The following RUFY1 variants were observed in gnomAD, a reference collection of about 807,000 sequenced individuals.
The protein encoded by RUFY1 is RUN and FYVE domain-containing protein 1.
In RUFY1, 54 loss-of-function variants were observed where a neutral mutation model predicts 94.6. The observed-to-expected ratio is 0.57, with a 90% CI of 0.46 to 0.72. The LOEUF (loss-of-function observed/expected upper bound fraction) is 0.72, where lower values mean the gene tolerates loss of function less well. Ranked by LOEUF, RUFY1 falls within the 30% of genes least tolerant of loss-of-function variation. The probability of loss-of-function intolerance (pLI) is 0.00; values close to 1 mark genes in which losing one functional copy is unlikely to be tolerated. For missense variants in RUFY1, 883 were observed against 883.9 expected, an observed-to-expected ratio of 1.00 and a Z score of 0.01; for synonymous variants, 396 against 347.3, an observed-to-expected ratio of 1.14 and a Z score of -1.56.
At chr5:179,598,517 G>C (rs1765925744) in intron 13 of RUFY1, among the ~76,000 whole-genome samples, 175 bp from the exon 14 acceptor site, 1 of 152,182 alleles carries the variant, frequency 6.6e-6, no homozygotes, top group South Asian at 2.1e-4. Context: ...CCTGGTTCCT[G>C]CTCTTTCTTG....
chr5:179,576,298 C>T (rs909365633), intron 5 of RUFY1, among the ~76,000 whole-genome samples: 4 of 152,134 alleles, frequency 2.6e-5, no homozygotes, highest in Non-Finnish European at 5.9e-5. Context: ...TGTAAGGGGT[C>T]TTGGTTCTCC....
chr5:179,562,913 C>A (rs941284676), intron 3 of RUFY1: 51 of 377,020 alleles, frequency 1.4e-4, no homozygotes, highest in African/African-American at 9.4e-4. Flanking sequence ...AAAGGGCACT[C>A]ACAGGAGGAA....
chr5:179,589,000 G>GAATT (rs1764828045), intron 8 of RUFY1, among the ~76,000 whole-genome samples: 1 of 152,130 alleles, frequency 6.6e-6, no homozygotes, highest in African/African-American at 2.4e-5. Context: ...CAAAGTGCTG[G>GAATT]AATTACAGGT....
At position 179,550,593 on chromosome 5, in the gene RUFY1, C is replaced by A; in HGVS notation, c.24C>A (p.Cys8Ter). The A allele has an allele frequency of 7.6e-7, 1 of 1,311,774 alleles. No homozygotes were observed. The highest frequency in any genetic ancestry group is 9.7e-7 in the Non-Finnish European group (1 of 1,033,892). The allele number at this position is 1,311,774 out of a possible 1,614,324, so 81.3% of individuals were successfully genotyped here. A position where few individuals can be genotyped will look rare whatever the true frequency, so the allele number is the denominator to read the frequency against. Residue 8 changes from cysteine (C) to a stop codon, truncating the protein, a stop_gained, in exon 1 of 18, where the codon TGC becomes TGA. Coordinates refer to ENST00000319449, the MANE Select transcript of RUFY1 (RefSeq NM_025158.5). LOFTEE classifies it high-confidence loss of function. ...AGATGGCCGACCGGGAAGGCGGCTG[C>A]GCTGCTGGGCGGGGGCGGGAGCTGG... MADREGG[C>*]AAGRGRELEP...
chr5:179,591,783 G>A (rs768967278), intron 10 of RUFY1, 42 bp downstream of exon 10: 24 of 1,156,808 alleles, frequency 2.1e-5, no homozygotes, highest in Middle Eastern at 3.9e-4. Context: ...GAGTTTCCCC[G>A]TAGTGTTAAT....
chr5:179,606,225 C>T (rs1447489611), intron 16 of RUFY1: 11 of 459,276 alleles, frequency 2.4e-5, no homozygotes, highest in East Asian at 4.4e-5. Context: ...AGGAGGGACC[C>T]GCGGATATCT....
At chr5:179,580,245 A>ATATATATTTTT (rs59300402) in intron 6 of RUFY1, among the ~76,000 whole-genome samples, 1 of 81,684 alleles carries the variant, frequency 1.2e-5, no homozygotes, top group African/African-American at 5.4e-5. Flanking sequence ...GTGTGTGTAT[A>ATATATATTTTT]TTTTTTTTTT....
At position 179,594,871 on chromosome 5, in the gene RUFY1, A is replaced by C. The variant is rs1209512271; in HGVS notation, c.1419A>C (p.Ala473=). 2 of 1,611,442 alleles carry C rather than the reference A, an allele frequency of 1.2e-6. No individual in the cohort carries two copies. The highest frequency in any genetic ancestry group is 1.7e-6 in the Non-Finnish European group (2 of 1,178,286). Residue 473 remains alanine (A), a synonymous_variant, in exon 12 of 18, where the codon GCA becomes GCC. Coordinates refer to ENST00000319449, the MANE Select transcript of RUFY1 (RefSeq NM_025158.5). ...NLQMFHKAQN[A]ESSLQQKNEA... The stretch of plus-strand genomic sequence containing the variant: ...CCCTTCCTTTGCTTTTGTAGAATGC[A>C]GAGAGCAGTTTGCAGCAGAAGAATG...
rs767264333 is a variant in RUFY1, at chr5:179,550,620, G to A, written c.51G>A (p.Glu17=). 2.0e-5 allele frequency: 26 copies of A among 1,328,438 alleles called. No homozygotes were observed. The highest frequency in any genetic ancestry group is 1.0e-4 in the African/African-American group (4 of 39,400). The allele number at this position is 1,328,438 out of a possible 1,614,324, so 82.3% of individuals were successfully genotyped here. A position where few individuals can be genotyped will look rare whatever the true frequency, so the allele number is the denominator to read the frequency against. Reference sequence around the variant, plus strand: ...CTGCTGGGCGGGGGCGGGAGCTGGAGCCGGAGCTGGAGCCGGGGCCGGGGC... The same window carrying A: ...CTGCTGGGCGGGGGCGGGAGCTGGAACCGGAGCTGGAGCCGGGGCCGGGGC... ...GCAAGRGREL[E]PELEPGPGPG... Residue 17 remains glutamate, a synonymous_variant, in exon 1 of 18, where the codon GAG becomes GAA. Coordinates refer to ENST00000319449, the MANE Select transcript of RUFY1 (RefSeq NM_025158.5).
intron 13 of RUFY1, among the ~76,000 whole-genome samples, chr5:179,597,242 T>TG (rs373198197): frequency 1.5e-3 from 226 of 151,436 alleles, no homozygotes; most frequent in African/African-American, 5.3e-3. Context: ...TGTTTTGTTT[T>TG]GTTTTTTTTT....
In RUFY1 at chr5:179,576,712, C is replaced by T. The variant is rs972345943; in HGVS notation, c.829-363C>T. On this transcript the variant is annotated intron_variant, in intron 5 of 17. Coordinates refer to ENST00000319449, the MANE Select transcript of RUFY1 (RefSeq NM_025158.5). ...CTGGGATTACAGGCGTGAGCCACCA[C>T]GCCTGGCCAGGTCACCACTTTAGAG... Among the ~76,000 whole-genome samples, 7 of 151,982 alleles carry T rather than the reference C, an allele frequency of 4.6e-5. 1 individual carries two copies. The highest frequency in any genetic ancestry group is 1.2e-4 in the African/African-American group (5 of 41,374).
intron 17 of RUFY1, chr5:179,608,641 C>T (rs1767362084): frequency 1.0e-6 from 1 of 985,310 alleles, no homozygotes; most frequent in Non-Finnish European, 1.2e-6. Context: ...TTAAAAACAC[C>T]CTTAGGCCGG....
rs776798690 is a variant in RUFY1, at chr5:179,560,140, T to C, written c.426T>C (p.His142=). ...TGGGCCGCAGCCTGGATGCGGACCA[T>C]GCCCCCTTGCAGCAGTTCTTTGTAG... The part of the protein sequence containing the change: ...LSLGRSLDAD[H]APLQQFFVVM... Residue 142 remains histidine, a synonymous_variant, in exon 2 of 18, where the codon CAT becomes CAC. Transcript: ENST00000319449. 11 of 1,614,076 alleles carry C rather than the reference T, an allele frequency of 6.8e-6. No individual in the cohort carries two copies. Among genetic ancestry groups the C allele is most frequent in the South Asian group, 3.3e-5 (3 of 91,062 alleles).
intron 7 of RUFY1, among the ~76,000 whole-genome samples, chr5:179,585,291 A>G (rs1261775461): frequency 6.6e-6 from 1 of 151,560 alleles, no homozygotes; most frequent in Non-Finnish European, 1.5e-5. Flanking sequence ...TAAAAAAGAA[A>G]TAGGCCGGGC....
At chr5:179,568,843 C>T (rs1304377031) in intron 4 of RUFY1, among the ~76,000 whole-genome samples, 3 of 152,228 alleles carry the variant, frequency 2.0e-5, no homozygotes, top group Non-Finnish European at 4.4e-5. Flanking sequence ...CAAATGGCCG[C>T]GATAACTGGG....
rs751830479 is a variant in RUFY1 at position 179,569,351 on chromosome 5, A to T, written c.754A>T (p.Ile252Phe). The change falls in exon 5 of 18, where the codon ATT becomes TTT. Residue 252 changes from isoleucine (I) to phenylalanine (F), a missense_variant. Coordinates refer to ENST00000319449, the MANE Select transcript of RUFY1 (RefSeq NM_025158.5). ...ALMMEEEGMV[I>F]VGLLVGLNVL... ...AATGATGGAGGAAGAAGGGATGGTG[A>T]TTGTTGGTCTGCTGGTGGGACTCAA... The T allele has an allele frequency of 1.2e-6, 2 of 1,613,642 alleles. No individual in the cohort carries two copies. The highest frequency in any genetic ancestry group is 1.7e-6 in the Non-Finnish European group (2 of 1,179,960).
Position 179,601,967 on chromosome 5 carries a change from AT to A in RUFY1, c.1838del (p.Met613ArgfsTer10). 6.2e-7 allele frequency: 1 copy of A among 1,613,780 alleles called. No homozygotes were observed. The highest frequency in any genetic ancestry group is 1.1e-5 in the South Asian group (1 of 91,062). On this transcript the variant is annotated frameshift_variant, in exon 15 of 18. Transcript: ENST00000319449. LOFTEE classifies it high-confidence loss of function. ...CEEQEQALQE[M>X]GLHLSQSKLK... ...GGAGCAGGAACAAGCCCTCCAGGAAATGGGCCTGCACCTCAGCCAGTAAGAA... is the reference window on the plus strand; with the variant it reads ...GGAGCAGGAACAAGCCCTCCAGGAAAGGGCCTGCACCTCAGCCAGTAAGAA...
At chr5:179,576,730 C>T (rs1418829838) in intron 5 of RUFY1, among the ~76,000 whole-genome samples, 1 of 152,126 alleles carries the variant, frequency 6.6e-6, no homozygotes. Context: ...CAGGTCACCA[C>T]TTTAGAGATC....
chr5:179,580,246 T>TATATATATATA (rs1554118967), intron 6 of RUFY1, among the ~76,000 whole-genome samples: 11,742 of 103,524 alleles, frequency 0.11, 686 homozygotes, highest in Non-Finnish European at 0.17. Flanking sequence ...TGTGTGTATA[T>TATATATATATA]TTTTTTTTTT....
Sources: allele counts gnomAD v4.1 joint callset (sites outside exome capture counted in the v4.1 genomes callset), GRCh38; gene constraint gnomAD v4.1.1; transcripts MANE v1.5; gene names NCBI Gene and HGNC (gene_info 2026-07-23, HGNC 2026-07-21).